CYRIB: variants seen among roughly 807,000 people sequenced by gnomAD.
CYRIB encodes the protein CYFIP-related Rac1 interactor B.
Under a neutral mutation model 44.2 loss-of-function variants are expected in CYRIB, and 8 were observed. That is an observed-to-expected ratio of 0.18 (90% CI 0.11 to 0.33). The LOEUF is 0.33. Among genes scored for constraint, CYRIB ranks in the 10% least tolerant of loss-of-function variants. CYRIB has a pLI of 1.00. For synonymous variants in CYRIB, 131 were observed against 127.2 expected (o/e 1.03, Z -0.20); for missense variants, 185 against 382.8 (o/e 0.48, Z 4.31).
At chr8:129,852,342 C>T in intron 7 of CYRIB, 64 bp from the exon 10 acceptor site, 1 of 1,023,434 alleles carries the variant, frequency 9.8e-7, no homozygotes, top group Non-Finnish European at 1.4e-6. Context: ...AACAATTATA[C>T]AAGGACCCAG....
chr8:130,016,812 G>T (rs994712422), upstream of CYRIB: 4 of 151,796 alleles, frequency 2.6e-5, no homozygotes, highest in African/African-American at 7.2e-5. Context: ...CACGGGCCCG[G>T]GACGGTGGTG....
At chr8:129,848,448 C>G (rs2777697) in intron 10 of CYRIB, among the ~76,000 whole-genome samples, 1 of 152,190 alleles carries the variant, frequency 6.6e-6, no homozygotes, top group Non-Finnish European at 1.5e-5. Context: ...AAAACTATTT[C>G]TAATACAAAC....
At chr8:129,966,404 C>G (rs759373432) in intron 2 of CYRIB, among the ~76,000 whole-genome samples, 9 of 152,176 alleles carry the variant, frequency 5.9e-5, no homozygotes, top group Admixed American at 4.6e-4. Flanking sequence ...AATGAGTATG[C>G]CTGTTTCTCC....
intron 2 of CYRIB, chr8:129,880,513 G>T: frequency 1.2e-6 from 1 of 861,292 alleles, no homozygotes; most frequent in Non-Finnish European, 1.4e-6. Context: ...TTAAGCAGAG[G>T]CCTGGGATTT....
intron 1 of CYRIB, among the ~76,000 whole-genome samples, chr8:129,993,839 G>C (rs914835885): frequency 6.6e-6 from 1 of 151,704 alleles, no homozygotes; most frequent in Non-Finnish European, 1.5e-5. Flanking sequence ...TCTAGCCTGG[G>C]TGACAAAACC....
chr8:130,013,073 G>C (rs553795188), intron 1 of CYRIB, among the ~76,000 whole-genome samples: 1 of 152,186 alleles, frequency 6.6e-6, no homozygotes, highest in Non-Finnish European at 1.5e-5. Flanking sequence ...CTAAAACAGA[G>C]AGATGAATCT....
chr8:129,870,258 T>C (rs902354363), intron 4 of CYRIB, among the ~76,000 whole-genome samples: 1 of 151,848 alleles, frequency 6.6e-6, no homozygotes, highest in Non-Finnish European at 1.5e-5. Context: ...CCTGCCTCTA[T>C]TTGGCAGGGG....
chr8:129,907,165 G>GCA (rs1245052743), intron 1 of CYRIB, among the ~76,000 whole-genome samples: 1 of 152,140 alleles, frequency 6.6e-6, no homozygotes, highest in African/African-American at 2.4e-5. Context: ...GTTTATTGTG[G>GCA]CACTATTCAC....
At chr8:129,853,285 T>C (rs1488476104) in intron 7 of CYRIB, among the ~76,000 whole-genome samples, 1 of 152,200 alleles carries the variant, frequency 6.6e-6, no homozygotes, top group Non-Finnish European at 1.5e-5. Context: ...ATGGTAGGTA[T>C]GAAAAAGACA....
In CYRIB at chr8:130,011,124, C is replaced by T. The variant is rs140164856; in HGVS notation, c.-296+5246G>A. Among the ~76,000 whole-genome samples the T allele has an allele frequency of 6.2e-3, 940 of 152,210 alleles. 5 individuals carry two copies. The highest frequency in any genetic ancestry group is 9.5e-3 in the Admixed American group (145 of 15,278). On this transcript the variant is annotated intron_variant, in intron 1 of 14. Transcript: ENST00000401979. ...GAACCTTCTAGAAGCCCGCCACTGA[C>T]TCTCACAAGCAGAATCTGAAATGTG...
At chr8:129,981,001 C>G (rs1236053497) in intron 1 of CYRIB, among the ~76,000 whole-genome samples, 2 of 151,544 alleles carry the variant, frequency 1.3e-5, no homozygotes, top group Non-Finnish European at 2.9e-5. Flanking sequence ...AAAACACACA[C>G]ACTCACAAGA....
At chr8:129,857,590 G>A (rs750827855) in intron 5 of CYRIB, among the ~76,000 whole-genome samples, 3 of 152,226 alleles carry the variant, frequency 2.0e-5, no homozygotes, top group Non-Finnish European at 2.9e-5. Context: ...CTAAGCAGAG[G>A]AGTGGCGTCA....
chr8:129,849,552 A>C (rs552866041), intron 9 of CYRIB, 183 bp from the exon 12 acceptor site: 2 of 517,216 alleles, frequency 3.9e-6, no homozygotes, highest in Admixed American at 7.9e-5. Context: ...TTCCTTTCCA[A>C]ATCAACCCCC....
At chr8:129,868,365 CT>C (rs1187975832) in intron 4 of CYRIB, among the ~76,000 whole-genome samples, 1 of 152,116 alleles carries the variant, frequency 6.6e-6, no homozygotes, top group African/African-American at 2.4e-5. Flanking sequence ...GCCTATTTCT[CT>C]TTTATTACTT....
chr8:129,961,762 C>T (rs1227667754), intron 2 of CYRIB, among the ~76,000 whole-genome samples: 1 of 152,088 alleles, frequency 6.6e-6, no homozygotes, highest in Non-Finnish European at 1.5e-5. Context: ...TATGGCAAAA[C>T]CCTATTATTT....
intron 2 of CYRIB, among the ~76,000 whole-genome samples, chr8:129,949,933 T>G (rs2094415847): frequency 6.6e-6 from 1 of 152,154 alleles, no homozygotes; most frequent in African/African-American, 2.4e-5. Flanking sequence ...CCTACTTCAC[T>G]GTGTTATTGT....
chr8:129,869,985 AG>A (rs981628266), intron 4 of CYRIB, among the ~76,000 whole-genome samples: 6 of 147,488 alleles, frequency 4.1e-5, no homozygotes, highest in Admixed American at 1.3e-4. Flanking sequence ...GGGTGGGGGG[AG>A]GGGGGGCGTT....
At chr8:129,870,601 C>T (rs1016401411) in intron 4 of CYRIB, among the ~76,000 whole-genome samples, 1 of 152,008 alleles carries the variant, frequency 6.6e-6, no homozygotes, top group African/African-American at 2.4e-5. Context: ...GAATGTATGC[C>T]CCAAAGAGTG....
At chr8:129,976,902 C>T (rs983343772) in intron 1 of CYRIB, among the ~76,000 whole-genome samples, 13 of 151,850 alleles carry the variant, frequency 8.6e-5, no homozygotes, top group Admixed American at 4.6e-4. Context: ...AGTGCAATGG[C>T]GCAATCTCTG....
Sources: gnomAD v4.1 joint callset for allele counts (sites outside exome capture counted in the v4.1 genomes callset) on GRCh38, gnomAD v4.1.1 for gene constraint, MANE v1.5 for transcripts, NCBI Gene and HGNC (gene_info 2026-07-23, HGNC 2026-07-21) for gene names.